KIF2A: variants seen among roughly 807,000 people sequenced by gnomAD.
KIF2A encodes kinesin family member 2A, also known as kinesin-like protein KIF2A.
A neutral mutation model predicts 100.2 loss-of-function variants in KIF2A; 22 were observed. The observed-to-expected ratio is 0.22, with a 90% CI of 0.16 to 0.31. The LOEUF (loss-of-function observed/expected upper bound fraction) is 0.31. Among genes scored for constraint, KIF2A ranks in the 10% least tolerant of loss-of-function variants. The pLI, the probability that KIF2A is intolerant of heterozygous loss-of-function variation, is 1.00. For missense variants in KIF2A, 495 were observed against 898.7 expected (o/e 0.55, Z 5.74); for synonymous variants, 268 against 285.9 (o/e 0.94, Z 0.63).
chr5:62,323,296 T>C (rs2111816966), intron 1 of KIF2A, among the ~76,000 whole-genome samples: 1 of 146,644 alleles, frequency 6.8e-6, no homozygotes, highest in Non-Finnish European at 1.5e-5. Flanking sequence ...AATAAATGTA[T>C]TAGAAAAGGT....
rs1748191569 is a variant in KIF2A at position 62,357,813 on chromosome 5, C to A, written c.709+68C>A. The A allele has an allele frequency of 5.2e-6, 5 of 969,822 alleles. No individual in the cohort carries two copies. The African/African-American group carries it at 8.3e-5, about 16-fold the overall frequency. The allele number at this position is 969,822 out of a possible 1,614,324, so 60.1% of individuals were successfully genotyped here. On this transcript the variant is annotated intron_variant, in intron 8 of 20. Transcript: ENST00000407818. ...TATTTGTAATGTATTTTTATAATAG[C>A]AAATCAAATTGGTTTGGAAAAAATG...
In KIF2A at chr5:62,381,099, C is replaced by T. The variant is rs776614866; in HGVS notation, c.2014-19C>T. 5.6e-6 allele frequency: 9 copies of T among 1,593,978 alleles called. No individual in the cohort carries two copies. Among genetic ancestry groups the T allele is most frequent in the Non-Finnish European group, 6.9e-6 (8 of 1,166,948 alleles). ...TGCACAAAGATGCTTATTGGATTAT[C>T]GAATTTTTGTCCTTGTAGGAATCTA... On this transcript the variant is annotated intron_variant, in intron 19 of 20. Transcript: ENST00000407818.
intron 5 of KIF2A, chr5:62,353,053 T>G (rs1747933791): frequency 2.3e-6 from 1 of 440,774 alleles, no homozygotes; most frequent in Non-Finnish European, 4.0e-6. Flanking sequence ...AGATGACATG[T>G]ATCAATATGT....
In KIF2A at chr5:62,389,054, T is replaced by C. The variant is rs1742168448; in HGVS notation, c.*3485T>C. 3.8e-6 allele frequency: 6 copies of C among 1,599,946 alleles called. No homozygotes were observed. The highest frequency in any genetic ancestry group is 5.1e-6 in the Non-Finnish European group (6 of 1,174,128). ...TCTGCGTTGAATCCATGTAGCAATC[T>C]GAAAAAAGAAATCAAAATGGAATGG... On this transcript the variant is annotated 3_prime_UTR_variant, in exon 21 of 21. Transcript: ENST00000407818.
chr5:62,306,633 CG>C, intron 1 of KIF2A, 97 bp downstream of exon 1: 1 of 1,015,780 alleles, frequency 9.8e-7, no homozygotes, highest in Non-Finnish European at 1.5e-6. Context: ...ATTGCTTCGC[CG>C]GGCTGTGGGG....
chr5:62,327,191 G>C (rs1411289485), intron 1 of KIF2A, among the ~76,000 whole-genome samples: 1 of 151,966 alleles, frequency 6.6e-6, no homozygotes, highest in Non-Finnish European at 1.5e-5. Context: ...TTTAAAGATC[G>C]GGACTTCTAC....
chr5:62,352,676 A>G lies in KIF2A; in HGVS notation c.423A>G (p.Pro141=). Residue 141 remains proline (P), a synonymous_variant, in exon 5 of 21, where the codon CCA becomes CCG. Transcript: ENST00000407818. The part of the protein sequence containing the change: ...QQNGSVSDIS[P]VQAAKKEFGP... ...ATGGTAGTGTTTCAGATATATCTCC[A>G]GTTCAAGCTGCAAAAAAGGAATTTG... 1 of 1,611,546 alleles carries G rather than the reference A, an allele frequency of 6.2e-7. No homozygotes were observed. Among genetic ancestry groups the G allele is most frequent in the Non-Finnish European group, 8.5e-7 (1 of 1,178,654 alleles).
chr5:62,372,039 G>T (rs1741348557), intron 16 of KIF2A, among the ~76,000 whole-genome samples: 1 of 152,206 alleles, frequency 6.6e-6, no homozygotes, highest in Non-Finnish European at 1.5e-5. Context: ...CTTGTGTCCT[G>T]TTTGGAAAAG....
At chr5:62,383,710 G>C (rs1366079619) in intron 20 of KIF2A, among the ~76,000 whole-genome samples, 7 of 151,880 alleles carry the variant, frequency 4.6e-5, no homozygotes, top group Non-Finnish European at 1.0e-4. Context: ...AAATTGTTTT[G>C]ATCATTTTTC....
chr5:62,335,343 T>G (rs1746886458), intron 1 of KIF2A, among the ~76,000 whole-genome samples: 1 of 152,198 alleles, frequency 6.6e-6, no homozygotes, highest in Non-Finnish European at 1.5e-5. Context: ...TCTGGAGTAT[T>G]CATCACCATC....
intron 1 of KIF2A, among the ~76,000 whole-genome samples, chr5:62,323,386 G>A (rs1054185350): frequency 2.0e-5 from 3 of 151,970 alleles, no homozygotes; most frequent in Non-Finnish European, 4.4e-5. Context: ...AGCCGGGCGC[G>A]GCGGCGGGCG....
At position 62,343,989 on chromosome 5, in the gene KIF2A, C is replaced by T. The variant is rs969486547; in HGVS notation, c.65-3141C>T. Among the ~76,000 whole-genome samples the T allele has an allele frequency of 3.3e-5, 5 of 152,098 alleles. No homozygotes were observed. The South Asian group carries it at 1.0e-3, about 32-fold the overall frequency. On this transcript the variant is annotated intron_variant, in intron 1 of 20. Transcript: ENST00000407818. ...AATAGCAAGTACTTTTACATCTGAC[C>T]AAGGTTTAGACCCATGCTGCTTATT...
intron 1 of KIF2A, among the ~76,000 whole-genome samples, chr5:62,317,028 C>T (rs2111791682): frequency 6.7e-6 from 1 of 150,364 alleles, no homozygotes; most frequent in South Asian, 2.1e-4. Context: ...AAAAAGGATT[C>T]ACATATGTAT....
chr5:62,339,294 GC>G (rs1747146123), intron 1 of KIF2A, among the ~76,000 whole-genome samples: 1 of 88,680 alleles, frequency 1.1e-5, no homozygotes, highest in South Asian at 3.1e-4. Flanking sequence ...AGGGGATGGT[GC>G]ACTCATCACC....
At chr5:62,385,135 TC>T (rs1435743155) in intron 20 of KIF2A, among the ~76,000 whole-genome samples, 2 of 150,126 alleles carry the variant, frequency 1.3e-5, no homozygotes, top group Non-Finnish European at 3.0e-5. Context: ...GAGTGAGGAC[TC>T]CATCTCAAAA....
chr5:62,331,887 T>G (rs1292660538), intron 1 of KIF2A, among the ~76,000 whole-genome samples: 1 of 152,204 alleles, frequency 6.6e-6, no homozygotes, highest in Non-Finnish European at 1.5e-5. Flanking sequence ...CCTAACGTTC[T>G]ACTACTATAT....
intron 1 of KIF2A, among the ~76,000 whole-genome samples, chr5:62,340,272 A>C (rs1747228840): frequency 6.6e-6 from 1 of 152,172 alleles, no homozygotes; most frequent in Non-Finnish European, 1.5e-5. Context: ...ATGGGGTTTC[A>C]AAAGTGTTTT....
chr5:62,339,421 A>G (rs1294584114), intron 1 of KIF2A, among the ~76,000 whole-genome samples: 1 of 151,602 alleles, frequency 6.6e-6, no homozygotes, highest in Non-Finnish European at 1.5e-5. Flanking sequence ...ATTCCACGTG[A>G]GATTTAGGCA....
At chr5:62,349,526 A>T (rs1747740305) in intron 3 of KIF2A, among the ~76,000 whole-genome samples, 1 of 152,118 alleles carries the variant, frequency 6.6e-6, no homozygotes, top group African/African-American at 2.4e-5. Context: ...TTCATGAATG[A>T]ATTAGAGGAC....
Sources: allele counts gnomAD v4.1 joint callset (sites outside exome capture counted in the v4.1 genomes callset), GRCh38; gene constraint gnomAD v4.1.1; transcripts MANE v1.5; gene names NCBI Gene and HGNC (gene_info 2026-07-23, HGNC 2026-07-21).